Variants in CDH18 observed in about 807,000 individuals in gnomAD.
CDH18 encodes cadherin 18.
A neutral mutation model predicts 67.9 loss-of-function variants in CDH18; 31 were observed. The observed-to-expected ratio is 0.46, with a 90% confidence interval of 0.34 to 0.62. The LOEUF (loss-of-function observed/expected upper bound fraction) is 0.62. Among genes scored for constraint, CDH18 ranks in the 20% least tolerant of loss-of-function variants. CDH18 has a pLI of 0.01. For synonymous variants in CDH18, 362 were observed against 347.2 expected, an observed-to-expected ratio of 1.04 and a Z score of -0.48; for missense variants, 890 against 975.5, an observed-to-expected ratio of 0.91 and a Z score of 1.17.
intron 3 of CDH18, among the ~76,000 whole-genome samples, chr5:19,789,238 C>T (rs1457744816): frequency 6.6e-6 from 1 of 152,112 alleles, no homozygotes; most frequent in Non-Finnish European, 1.5e-5. Context: ...CGACCTTAGG[C>T]AAGTTACTTA....
At chr5:19,558,392 A>G (rs565965598) in intron 8 of CDH18, among the ~76,000 whole-genome samples, 1 of 152,114 alleles carries the variant, frequency 6.6e-6, no homozygotes, top group African/African-American at 2.4e-5. Flanking sequence ...AAAATGATAG[A>G]TCATTAGTGA....
chr5:20,140,694 G>T (rs967431875), intron 2 of CDH18, among the ~76,000 whole-genome samples: 5 of 152,148 alleles, frequency 3.3e-5, no homozygotes, highest in Non-Finnish European at 7.4e-5. Context: ...TCTCTGATGG[G>T]TTTAACAAGT....
At chr5:20,324,305 T>C (rs550227226) in intron 1 of CDH18, among the ~76,000 whole-genome samples, 35 of 152,160 alleles carry the variant, frequency 2.3e-4, no homozygotes, top group African/African-American at 8.4e-4. Flanking sequence ...TTTGGGAGGC[T>C]GAGGCAGGCG....
intron 1 of CDH18, among the ~76,000 whole-genome samples, chr5:20,354,441 G>T (rs1741443590): frequency 6.6e-6 from 1 of 152,062 alleles, no homozygotes; most frequent in Admixed American, 6.5e-5. Flanking sequence ...TAGGGACAGG[G>T]TCTTCCTCCA....
chr5:20,549,567 A>G (rs955529195), intron 1 of CDH18, among the ~76,000 whole-genome samples: 22 of 152,188 alleles, frequency 1.4e-4, no homozygotes, highest in African/African-American at 5.1e-4. Context: ...TTTGGATGTT[A>G]TCTTGAGCCC....
chr5:20,336,583 C>T (rs1227284146), intron 1 of CDH18, among the ~76,000 whole-genome samples: 5 of 151,428 alleles, frequency 3.3e-5, no homozygotes, highest in African/African-American at 7.3e-5. Flanking sequence ...ATTAGCCGGC[C>T]GTGGTGGCCA....
At chr5:20,159,885 C>T (rs77286102) in intron 2 of CDH18, among the ~76,000 whole-genome samples, 5,213 of 152,204 alleles carry the variant, frequency 0.034, 120 homozygotes, top group Middle Eastern at 0.065. Flanking sequence ...TGAGGAGATA[C>T]ATAAAGCAGC....
At chr5:20,076,635 A>G (rs180803129) in intron 2 of CDH18, among the ~76,000 whole-genome samples, 22 of 152,258 alleles carry the variant, frequency 1.4e-4, no homozygotes, top group Non-Finnish European at 2.9e-4. Context: ...AAAACATTGT[A>G]CATATGTTGG....
At chr5:20,332,359 G>A (rs1273675704) in intron 1 of CDH18, among the ~76,000 whole-genome samples, 2 of 152,048 alleles carry the variant, frequency 1.3e-5, no homozygotes, top group Non-Finnish European at 2.9e-5. Flanking sequence ...TGAGATTATT[G>A]ATTTTTCTTT....
At chr5:20,001,316 T>C (rs1045194237) in intron 2 of CDH18, among the ~76,000 whole-genome samples, 1 of 152,188 alleles carries the variant, frequency 6.6e-6, no homozygotes, top group African/African-American at 2.4e-5. Context: ...ATGTGAATTC[T>C]AGTACTTTCC....
At chr5:19,961,265 C>A (rs901692360) in intron 2 of CDH18, among the ~76,000 whole-genome samples, 34 of 151,584 alleles carry the variant, frequency 2.2e-4, no homozygotes, top group African/African-American at 2.4e-5. Context: ...ACAACACCAG[C>A]ACGCTAATTT....
chr5:19,840,299 A>C (rs964164410), intron 2 of CDH18, among the ~76,000 whole-genome samples: 7 of 151,634 alleles, frequency 4.6e-5, no homozygotes, highest in African/African-American at 7.2e-5. Context: ...AAAAAAAAAA[A>C]AACAACACGT....
In CDH18 at chr5:19,816,061, T is replaced by G. The variant is rs945721391; in HGVS notation, c.228+22698A>C. On this transcript the variant is annotated intron_variant, in intron 3 of 12. Transcript: ENST00000382275. ...GTGAAGATAGAGAACGTCATTCTTT[T>G]GTTTATTCAGAAAACAATGTTTTTA... is the stretch of plus-strand genomic sequence containing the variant. Among the ~76,000 whole-genome samples, 98 of 151,946 alleles carry G rather than the reference T, an allele frequency of 6.4e-4. 1 individual carries two copies. Among genetic ancestry groups the G allele is most frequent in the Non-Finnish European group, 2.4e-4 (16 of 67,830 alleles).
At chr5:20,237,850 AT>A (rs1049985152) in intron 2 of CDH18, among the ~76,000 whole-genome samples, 1 of 152,018 alleles carries the variant, frequency 6.6e-6, no homozygotes, top group Non-Finnish European at 1.5e-5. Flanking sequence ...GAATAGTCAA[AT>A]CATAATAACT....
chr5:19,558,580 C>A lies in CDH18; in HGVS notation c.1253+12999G>T, dbSNP rs150543924. On this transcript the variant is annotated intron_variant, in intron 8 of 12. Coordinates refer to ENST00000382275, the MANE Select transcript of CDH18 (RefSeq NM_004934.5). ...AAATTCCTGGAAATATACAACCCTC[C>A]TAGATTAAACAAGGAAAAAAATATA... Among the ~76,000 whole-genome samples the A allele has an allele frequency of 3.4e-3, 518 of 151,822 alleles. 1 individual carries two copies. The highest frequency in any genetic ancestry group is 0.012 in the African/African-American group (494 of 41,442).
At chr5:20,319,317 G>GT (rs1276640517) in intron 1 of CDH18, among the ~76,000 whole-genome samples, 2 of 152,028 alleles carry the variant, frequency 1.3e-5, no homozygotes, top group East Asian at 3.9e-4. Flanking sequence ...CAAATTATGA[G>GT]TTTTTTCCAA....
chr5:19,484,065 T>A (rs911293377), intron 11 of CDH18, among the ~76,000 whole-genome samples: 1 of 152,198 alleles, frequency 6.6e-6, no homozygotes, highest in African/African-American at 2.4e-5. Context: ...AACAAACTTT[T>A]TAGACTTGGC....
intron 1 of CDH18, among the ~76,000 whole-genome samples, chr5:20,338,054 C>A (rs77482072): frequency 2.0e-5 from 3 of 152,152 alleles, no homozygotes; most frequent in Non-Finnish European, 4.4e-5. Flanking sequence ...CAGGAGAACA[C>A]GATGGGAAAG....
chr5:19,555,983 C>T (rs1738341303), intron 8 of CDH18, among the ~76,000 whole-genome samples: 1 of 152,210 alleles, frequency 6.6e-6, no homozygotes. Flanking sequence ...CAGCCCAGAG[C>T]CTGGTAGCTC....
Sources: gnomAD v4.1 joint callset for allele counts (sites outside exome capture counted in the v4.1 genomes callset) on GRCh38, gnomAD v4.1.1 for gene constraint, MANE v1.5 for transcripts, NCBI Gene and HGNC (gene_info 2026-07-23, HGNC 2026-07-21) for gene names.